SPOCK1: variants seen among roughly 807,000 people sequenced by gnomAD.
SPOCK1 encodes testican-1.
In SPOCK1, 23 loss-of-function variants were observed where a neutral mutation model predicts 55.3. That is an observed-to-expected ratio of 0.42 (90% CI 0.30 to 0.59). The LOEUF (loss-of-function observed/expected upper bound fraction) is 0.59, where lower values mean the gene tolerates loss of function less well. Among genes scored for constraint, SPOCK1 ranks in the 20% least tolerant of loss-of-function variants. SPOCK1 has a pLI of 0.22. For synonymous variants in SPOCK1, 226 were observed against 221.0 expected, an observed-to-expected ratio of 1.02 and a Z score of -0.20; for missense variants, 499 against 552.5, an observed-to-expected ratio of 0.90 and a Z score of 0.97.
intron 2 of SPOCK1, among the ~76,000 whole-genome samples, chr5:137,391,063 C>T (rs1478511332): frequency 6.6e-6 from 1 of 152,090 alleles, no homozygotes; most frequent in African/African-American, 2.4e-5. Flanking sequence ...CCCTTGCCCC[C>T]AACCCCCCAA....
intron 3 of SPOCK1, among the ~76,000 whole-genome samples, chr5:137,166,557 C>T (rs1754651955): frequency 6.6e-6 from 1 of 151,884 alleles, no homozygotes; most frequent in Non-Finnish European, 1.5e-5. Context: ...ATGTAAACTA[C>T]TTATCTTAAA....
chr5:137,344,565 C>T (rs1032069082), intron 2 of SPOCK1, among the ~76,000 whole-genome samples: 23 of 152,080 alleles, frequency 1.5e-4, no homozygotes, highest in African/African-American at 5.1e-4. Context: ...GGGGAGGGGG[C>T]GGTGCCACTG....
At chr5:137,189,393 C>T (rs1414901901) in intron 3 of SPOCK1, among the ~76,000 whole-genome samples, 1 of 152,204 alleles carries the variant, frequency 6.6e-6, no homozygotes. Flanking sequence ...TGCTCATTTA[C>T]CATTCCAGAA....
intron 3 of SPOCK1, among the ~76,000 whole-genome samples, chr5:137,250,278 C>G (rs1171508338): frequency 6.6e-6 from 1 of 152,156 alleles, no homozygotes; most frequent in African/African-American, 2.4e-5. Flanking sequence ...TATTTATTAT[C>G]TGACCTTTCA....
chr5:137,410,393 T>G (rs537183893), intron 2 of SPOCK1, among the ~76,000 whole-genome samples: 1 of 152,220 alleles, frequency 6.6e-6, no homozygotes, highest in Non-Finnish European at 1.5e-5. Flanking sequence ...TGGAAACTGA[T>G]GACCATGTAG....
chr5:137,321,555 T>A (rs1022213904), intron 2 of SPOCK1, among the ~76,000 whole-genome samples: 3 of 151,158 alleles, frequency 2.0e-5, no homozygotes, highest in Admixed American at 1.3e-4. Context: ...CAAAACAGAG[T>A]AGGATGATAT....
At chr5:137,117,717 GA>G (rs961797068) in intron 4 of SPOCK1, among the ~76,000 whole-genome samples, 94 of 145,312 alleles carry the variant, frequency 6.5e-4, no homozygotes, top group East Asian at 2.2e-3. Flanking sequence ...TTCAGACTAT[GA>G]AAAAAAAAAA....
rs114590567 is a variant in SPOCK1, at chr5:137,186,321, C to A, written c.233-45627G>T. 3.3e-3 allele frequency among the ~76,000 whole-genome samples: 503 copies of A among 152,306 alleles called. 1 individual carries two copies. The highest frequency in any genetic ancestry group is 0.012 in the African/African-American group (495 of 41,560). On this transcript the variant is annotated intron_variant, in intron 3 of 10. Coordinates refer to ENST00000394945, the MANE Select transcript of SPOCK1 (RefSeq NM_004598.4). ...GAGCAGAACACTTTTATGAGCCACC[C>A]TTCCCTTTGCATAGGCCCGTTTGGG...
chr5:137,321,603 C>T (rs1186362828), intron 2 of SPOCK1, among the ~76,000 whole-genome samples: 9 of 152,006 alleles, frequency 5.9e-5, no homozygotes, highest in Non-Finnish European at 1.0e-4. Flanking sequence ...AGGGCCAGGG[C>T]GGTGGTTCAC....
At chr5:137,346,146 T>C (rs1750549379) in intron 2 of SPOCK1, among the ~76,000 whole-genome samples, 1 of 152,140 alleles carries the variant, frequency 6.6e-6, no homozygotes. Context: ...TCAACTCTCC[T>C]TTCTCCTGCA....
At chr5:137,097,442 AACT>A (rs941762191) in intron 5 of SPOCK1, among the ~76,000 whole-genome samples, 16 of 152,180 alleles carry the variant, frequency 1.1e-4, no homozygotes, top group African/African-American at 3.9e-4. Flanking sequence ...AAAGCCTGAT[AACT>A]ATTCCCAAGC....
intron 2 of SPOCK1, among the ~76,000 whole-genome samples, chr5:137,476,663 G>A (rs940723585): frequency 3.3e-5 from 5 of 152,154 alleles, no homozygotes; most frequent in East Asian, 1.9e-4. Flanking sequence ...GGTGGCTCAC[G>A]CCTGTAATGC....
intron 2 of SPOCK1, among the ~76,000 whole-genome samples, chr5:137,281,075 T>TA (rs796671149): frequency 4.3e-4 from 64 of 148,990 alleles, no homozygotes; most frequent in East Asian, 9.8e-4. Flanking sequence ...ACTTTTCAAT[T>TA]AAAAAAAAAA....
chr5:137,167,315 ATAAAG>A (rs1257261791), intron 3 of SPOCK1, among the ~76,000 whole-genome samples: 1 of 152,100 alleles, frequency 6.6e-6, no homozygotes, highest in Non-Finnish European at 1.5e-5. Context: ...ACCCAGATAT[ATAAAG>A]TAAATATTTG....
chr5:137,284,303 G>A (rs915469301), intron 2 of SPOCK1, among the ~76,000 whole-genome samples: 3 of 152,180 alleles, frequency 2.0e-5, no homozygotes, highest in Non-Finnish European at 2.9e-5. Flanking sequence ...TGCTGCACCC[G>A]ACTCAGACCC....
intron 2 of SPOCK1, among the ~76,000 whole-genome samples, chr5:137,490,806 G>T (rs1331462745): frequency 1.3e-5 from 2 of 152,144 alleles, no homozygotes; most frequent in East Asian, 3.8e-4. Flanking sequence ...GGTCTTCTGT[G>T]CCAGGAGCTA....
rs145341435 is a variant in SPOCK1, at chr5:137,193,386, G to T, written c.233-52692C>A. Among the ~76,000 whole-genome samples the T allele has an allele frequency of 9.2e-5, 14 of 152,216 alleles. No homozygotes were observed. In the East Asian group the frequency reaches 2.7e-3, roughly 29 times the overall value. On this transcript the variant is annotated intron_variant, in intron 3 of 10. Coordinates refer to ENST00000394945, the MANE Select transcript of SPOCK1 (RefSeq NM_004598.4). ...GTAGAAAGTGATGGAAGGGGAGAAG[G>T]AATTTTGATGTCCAGTTTTCTAGCT...
At chr5:137,232,461 T>C (rs973497279) in intron 3 of SPOCK1, among the ~76,000 whole-genome samples, 3 of 152,330 alleles carry the variant, frequency 2.0e-5, no homozygotes, top group Admixed American at 6.5e-5. Flanking sequence ...CTCCCTTGAA[T>C]TGCACCTTTG....
At chr5:137,000,772 G>A (rs1751134753) in intron 6 of SPOCK1, among the ~76,000 whole-genome samples, 1 of 152,152 alleles carries the variant, frequency 6.6e-6, no homozygotes, top group African/African-American at 2.4e-5. Flanking sequence ...GGCTGGGCAT[G>A]GTGGCTCATG....
Sources: allele counts gnomAD v4.1 joint callset (sites outside exome capture counted in the v4.1 genomes callset), GRCh38; gene constraint gnomAD v4.1.1; transcripts MANE v1.5; gene names NCBI Gene and HGNC (gene_info 2026-07-23, HGNC 2026-07-21).